Variants in MRPS25 observed in about 807,000 individuals in gnomAD.
MRPS25 encodes mitochondrial ribosomal protein S25, also known as small ribosomal subunit protein mS25.
A neutral mutation model predicts 17.3 loss-of-function variants in MRPS25; 15 were observed. The ratio of observed to expected loss-of-function variants is 0.87; its 90% confidence interval spans 0.58 to 1.34. The LOEUF (loss-of-function observed/expected upper bound fraction) is 1.34, where lower values mean the gene tolerates loss of function less well. Among genes scored for constraint, MRPS25 ranks in the 40% most tolerant of loss-of-function variants. The pLI is 0.00. For missense variants in MRPS25, 225 were observed against 218.6 expected (o/e 1.03, Z -0.19); for synonymous variants, 94 against 83.3 (o/e 1.13, Z -0.70).
intron 2 of MRPS25, among the ~76,000 whole-genome samples, chr3:15,053,804 G>A (rs1223957916): frequency 6.6e-6 from 1 of 152,118 alleles, no homozygotes; most frequent in African/African-American, 2.4e-5. Context: ...CGGTGTTTCT[G>A]TAGAAACTTA....
Position 15,050,750 on chromosome 3 carries a change from T to A in MRPS25, c.*1691A>T. The A allele has an allele frequency of 2.0e-6, 2 of 985,372 alleles. No homozygotes were observed. The highest frequency in any genetic ancestry group is 9.4e-5 in the South Asian group (2 of 21,282). The allele number at this position is 985,372 out of a possible 1,614,324, so 61.0% of individuals were successfully genotyped here. On this transcript the variant is annotated 3_prime_UTR_variant, in exon 4 of 4. Transcript: ENST00000253686. ...TCAAGGAACACCTGTCCATTATACA[T>A]CAGTCTCTGCCCACCTTCCCCTCCC...
rs1330533143 is a variant in MRPS25, at chr3:15,048,608, G to C, written c.*3833C>G. The C allele has an allele frequency of 2.0e-5, 3 of 152,588 alleles. No homozygotes were observed. The highest frequency in any genetic ancestry group is 7.2e-5 in the African/African-American group (3 of 41,428). The allele number at this position is 152,588 out of a possible 1,614,324, so 9.5% of individuals were successfully genotyped here. A position where few individuals can be genotyped will look rare whatever the true frequency, so the allele number is the denominator to read the frequency against. On this transcript the variant is annotated 3_prime_UTR_variant, in exon 4 of 4. Coordinates refer to ENST00000253686, the MANE Select transcript of MRPS25 (RefSeq NM_022497.5). ...GTAGTAGACTTTGCATTAAAAAATG[G>C]CTTTTCTTTAGGAAAGTATAATCAA...
intron 2 of MRPS25, 74 bp downstream of exon 2, chr3:15,059,295 C>A (rs2125135924): frequency 9.6e-7 from 1 of 1,041,016 alleles, no homozygotes; most frequent in Non-Finnish European, 1.5e-6. Flanking sequence ...CATCCTGACG[C>A]TCCCATAGGA....
At position 15,052,290 on chromosome 3, in the gene MRPS25, C is replaced by T; in HGVS notation, c.*151G>A. 1 of 1,422,348 alleles carries T rather than the reference C, an allele frequency of 7.0e-7. No homozygotes were observed. The highest frequency in any genetic ancestry group is 1.6e-5 in the South Asian group (1 of 61,458). 88.1% of individuals were successfully genotyped at this position (1,422,348 alleles called of 1,614,324 possible). A position where few individuals can be genotyped will look rare whatever the true frequency, so the allele number is the denominator to read the frequency against. ...GCTTCAGACCCTCCTCTCCCACATC[C>T]TTTTACACAGGTGTGTAAAGTCCTT... On this transcript the variant is annotated 3_prime_UTR_variant, in exon 4 of 4. Transcript: ENST00000253686.
At chr3:15,043,350 T>C (rs1056256310), downstream of MRPS25, 10 of 166,778 alleles carry the variant, frequency 6.0e-5, no homozygotes, top group South Asian at 1.8e-4. Context: ...CCTGAGAGAA[T>C]AGTATGTGTG....
At position 15,052,048 on chromosome 3, in the gene MRPS25, T is replaced by C. The variant is rs1396740377; in HGVS notation, c.*393A>G. 5 of 1,005,854 alleles carry C rather than the reference T, an allele frequency of 5.0e-6. No homozygotes were observed. In the East Asian group the frequency reaches 5.1e-4, roughly 102 times the overall value. 62.3% of individuals were successfully genotyped at this position (1,005,854 alleles called of 1,614,324 possible). On this transcript the variant is annotated 3_prime_UTR_variant, in exon 4 of 4. Coordinates refer to ENST00000253686, the MANE Select transcript of MRPS25 (RefSeq NM_022497.5). ...CTCAACCACAGCAGCCCTTATGTTC[T>C]CCAGAGTAGAGCCCAGAGGAAGATT... is the stretch of plus-strand genomic sequence containing the variant.
At chr3:15,048,454 A>C (rs1057514255), downstream of MRPS25, 1 of 152,608 alleles carries the variant, frequency 6.6e-6, no homozygotes, top group African/African-American at 2.4e-5. Context: ...AAAATGTCAG[A>C]TATTTTTAAT....
At chr3:15,059,832 G>A (rs1361468393) in intron 1 of MRPS25, among the ~76,000 whole-genome samples, 1 of 152,144 alleles carries the variant, frequency 6.6e-6, no homozygotes, top group Non-Finnish European at 1.5e-5. Flanking sequence ...ACTTACAGGT[G>A]TGCACCGTAT....
At position 15,050,922 on chromosome 3, in the gene MRPS25, C is replaced by G; in HGVS notation, c.*1519G>C. On this transcript the variant is annotated 3_prime_UTR_variant, in exon 4 of 4. Transcript: ENST00000253686. Reference sequence around the variant, plus strand: ...TCGTAGTATGACATCATTTCACCAGCCAGCTACTTCATGTGGCAGAAAAGG... The same window carrying G: ...TCGTAGTATGACATCATTTCACCAGGCAGCTACTTCATGTGGCAGAAAAGG... The G allele has an allele frequency of 1.0e-6, 1 of 985,420 alleles. No individual in the cohort carries two copies. Among genetic ancestry groups the G allele is most frequent in the South Asian group, 4.7e-5 (1 of 21,278 alleles). 61.0% of individuals were successfully genotyped at this position (985,420 alleles called of 1,614,324 possible).
In MRPS25 at chr3:15,051,795, AGTGGCTGACTGGTCAGCAGGTAC is replaced by A; in HGVS notation, c.*623_*645del. 1 of 985,496 alleles carries A rather than the reference AGTGGCTGACTGGTCAGCAGGTAC, an allele frequency of 1.0e-6. No individual in the cohort carries two copies. The highest frequency in any genetic ancestry group is 1.2e-6 in the Non-Finnish European group (1 of 829,982). 61.0% of individuals were successfully genotyped at this position (985,496 alleles called of 1,614,324 possible). On this transcript the variant is annotated 3_prime_UTR_variant, in exon 4 of 4. Transcript: ENST00000253686. ...CACAGTGGCTGGGCCATGGGTTGGC[AGTGGCTGACTGGTCAGCAGGTAC>A]GTGCCTGAGTGAGGCTGGCCTGTCA...
downstream of MRPS25, chr3:15,043,026 C>G: frequency 6.2e-7 from 1 of 1,608,534 alleles, no homozygotes; most frequent in South Asian, 1.1e-5. Flanking sequence ...CACACACCTG[C>G]CAAGGAGCAA....
intron 1 of MRPS25, among the ~76,000 whole-genome samples, chr3:15,062,473 C>T (rs1172169387): frequency 4.1e-5 from 6 of 146,830 alleles, no homozygotes; most frequent in Non-Finnish European, 7.6e-5. Flanking sequence ...CCCGGCCAGC[C>T]GCCCCGTCCA....
chr3:15,049,633 G>T lies in MRPS25; in HGVS notation c.*2808C>A. 1.9e-6 allele frequency: 1 copy of T among 516,736 alleles called. No individual in the cohort carries two copies. 32.0% of individuals were successfully genotyped at this position (516,736 alleles called of 1,614,324 possible). ...TTAAATTGGCAAGCTTATTCTCTAAGGATACGTGCTATCAAGGGCAAAAAC... is the reference window on the plus strand; with the variant it reads ...TTAAATTGGCAAGCTTATTCTCTAATGATACGTGCTATCAAGGGCAAAAAC... On this transcript the variant is annotated 3_prime_UTR_variant, in exon 4 of 4. Transcript: ENST00000253686.
In MRPS25 at chr3:15,048,682, A is replaced by G. The variant is rs980282198; in HGVS notation, c.*3759T>C. On this transcript the variant is annotated 3_prime_UTR_variant, in exon 4 of 4. Coordinates refer to ENST00000253686, the MANE Select transcript of MRPS25 (RefSeq NM_022497.5). ...ATGGACTCAAATGCTGCTGCCACAC[A>G]CAACTCAAGTGCTGGAATATTTTTC... 2.0e-5 allele frequency: 3 copies of G among 152,638 alleles called. No individual in the cohort carries two copies. Among genetic ancestry groups the G allele is most frequent in the Non-Finnish European group, 4.4e-5 (3 of 68,036 alleles). 9.5% of individuals were successfully genotyped at this position (152,638 alleles called of 1,614,324 possible).
chr3:15,052,683 G>A (rs773327156), intron 3 of MRPS25, 50 bp from the exon 4 acceptor site: 7 of 1,581,930 alleles, frequency 4.4e-6, no homozygotes, highest in Middle Eastern at 1.7e-4. Context: ...TTGAGTGGCA[G>A]GCACAGGGCA....
At chr3:15,058,465 A>C (rs987160119) in intron 2 of MRPS25, among the ~76,000 whole-genome samples, 1 of 152,210 alleles carries the variant, frequency 6.6e-6, no homozygotes, top group African/African-American at 2.4e-5. Context: ...CTGGGATTAC[A>C]GGCGCAAGCC....
Position 15,052,168 on chromosome 3 carries a change from A to G in MRPS25, c.*273T>C, listed in dbSNP as rs188354392. 37 of 1,169,400 alleles carry G rather than the reference A, an allele frequency of 3.2e-5. No homozygotes were observed. The African/African-American group carries it at 5.5e-4, about 17-fold the overall frequency. 72.4% of individuals were successfully genotyped at this position (1,169,400 alleles called of 1,614,324 possible). A position where few individuals can be genotyped will look rare whatever the true frequency, so the allele number is the denominator to read the frequency against. On this transcript the variant is annotated 3_prime_UTR_variant, in exon 4 of 4. Coordinates refer to ENST00000253686, the MANE Select transcript of MRPS25 (RefSeq NM_022497.5). ...CTCAGGCCCAAAGCCTTTCTGCTAC[A>G]CAGGCCTTCCTCTTCACTAGGACCA...
chr3:15,055,036 G>A (rs2042652432), intron 2 of MRPS25, among the ~76,000 whole-genome samples: 1 of 152,148 alleles, frequency 6.6e-6, no homozygotes, highest in African/African-American at 2.4e-5. Context: ...TCCAATCATG[G>A]CAGAAGGCAA....
intron 1 of MRPS25, among the ~76,000 whole-genome samples, chr3:15,061,066 T>C (rs897132749): frequency 6.6e-6 from 1 of 152,126 alleles, no homozygotes; most frequent in Non-Finnish European, 1.5e-5. Context: ...CAGAACTTTT[T>C]ACAAATAAAC....
Sources: gnomAD v4.1 joint callset for allele counts (sites outside exome capture counted in the v4.1 genomes callset) on GRCh38, gnomAD v4.1.1 for gene constraint, MANE v1.5 for transcripts, NCBI Gene and HGNC (gene_info 2026-07-23, HGNC 2026-07-21) for gene names.